Variants in CTNNA3 observed in about 807,000 individuals in gnomAD.
CTNNA3 encodes the protein catenin alpha 3, also known as catenin alpha-3.
CTNNA3 carries 76 observed loss-of-function variants against 95.7 expected under a neutral mutation model. That is an observed-to-expected ratio of 0.79 (90% CI 0.66 to 0.96). CTNNA3 has a LOEUF of 0.96. CTNNA3 is among the 40% of genes least tolerant of loss of function. The pLI, the probability that CTNNA3 is intolerant of heterozygous loss-of-function variation, is 0.00. For missense variants in CTNNA3, 1,191 were observed against 1,089.8 expected (o/e 1.09, Z -1.31); for synonymous variants, 431 against 374.4 (o/e 1.15, Z -1.74).
chr10:66,804,384 G>T (rs564538798), intron 7 of CTNNA3, among the ~76,000 whole-genome samples: 1 of 151,960 alleles, frequency 6.6e-6, no homozygotes, highest in South Asian at 2.1e-4. Flanking sequence ...CTACATCCGC[G>T]CATCTGTATC....
Position 66,272,421 on chromosome 10 carries a change from G to A in CTNNA3, c.1884+8049C>T, listed in dbSNP as rs73317854. Among the ~76,000 whole-genome samples, 1,412 of 152,282 alleles carry A rather than the reference G, an allele frequency of 9.3e-3. 21 individuals are homozygous for A. Among genetic ancestry groups the A allele is most frequent in the African/African-American group, 0.033 (1,364 of 41,566 alleles). ...ATTCTCCACAGTCAACAAAGTATCA[G>A]AAAAGCATGAAGGGGAGAAGCGCAC... is the stretch of plus-strand genomic sequence containing the variant. On this transcript the variant is annotated intron_variant, in intron 13 of 17. Transcript: ENST00000433211.
intron 5 of CTNNA3, among the ~76,000 whole-genome samples, chr10:67,385,625 A>G (rs75084241): frequency 0.011 from 1,670 of 152,264 alleles, 32 homozygotes; most frequent in African/African-American, 0.038. Flanking sequence ...GGAATCATAT[A>G]TAGGAGAATT....
intron 7 of CTNNA3, among the ~76,000 whole-genome samples, chr10:67,162,255 A>T (rs1246709179): frequency 6.6e-6 from 1 of 152,002 alleles, no homozygotes; most frequent in Non-Finnish European, 1.5e-5. Context: ...TTTGTTTTAA[A>T]TTTTTCAACA....
chr10:67,178,947 G>C (rs935094367), intron 7 of CTNNA3, among the ~76,000 whole-genome samples: 1 of 151,950 alleles, frequency 6.6e-6, no homozygotes, highest in African/African-American at 2.4e-5. Context: ...TCTTATTAAA[G>C]AAATCTACCT....
chr10:66,405,630 T>C (rs1404294305), intron 11 of CTNNA3, among the ~76,000 whole-genome samples: 1 of 152,184 alleles, frequency 6.6e-6, no homozygotes, highest in East Asian at 1.9e-4. Context: ...CCTGAACTTT[T>C]CCTCTGGTGG....
intron 11 of CTNNA3, among the ~76,000 whole-genome samples, chr10:66,388,150 T>A (rs899404651): frequency 3.3e-5 from 5 of 152,108 alleles, no homozygotes; most frequent in South Asian, 2.1e-4. Context: ...TTTCTTTTTT[T>A]AAAAACAAAT....
intron 7 of CTNNA3, among the ~76,000 whole-genome samples, chr10:66,901,583 A>G (rs971462965): frequency 6.6e-6 from 1 of 152,212 alleles, no homozygotes; most frequent in Non-Finnish European, 1.5e-5. Context: ...CAGACTGGCA[A>G]ATTGGATAAA....
chr10:66,270,496 G>A (rs1197060913), intron 13 of CTNNA3, among the ~76,000 whole-genome samples: 1 of 152,082 alleles, frequency 6.6e-6, no homozygotes, highest in African/African-American at 2.4e-5. Context: ...ATAAGCCACT[G>A]TACCCAGACA....
At chr10:66,858,591 ATCT>A (rs1843776624) in intron 7 of CTNNA3, among the ~76,000 whole-genome samples, 1 of 151,730 alleles carries the variant, frequency 6.6e-6, no homozygotes, top group Non-Finnish European at 1.5e-5. Context: ...GTCATTATTG[ATCT>A]GTTCAGGGAT....
chr10:66,660,998 G>GTGTGT (rs1846243368), intron 9 of CTNNA3, among the ~76,000 whole-genome samples: 1 of 152,178 alleles, frequency 6.6e-6, no homozygotes, highest in African/African-American at 2.4e-5. Flanking sequence ...TTTTGTTAGA[G>GTGTGT]TTTGGTATAT....
At chr10:67,122,244 A>C (rs756130824) in intron 7 of CTNNA3, among the ~76,000 whole-genome samples, 2 of 152,092 alleles carry the variant, frequency 1.3e-5, no homozygotes, top group Non-Finnish European at 2.9e-5. Context: ...GAAAATGTAC[A>C]TTATTCATTT....
At chr10:66,185,230 C>A (rs2086267668) in intron 13 of CTNNA3, among the ~76,000 whole-genome samples, 1 of 152,072 alleles carries the variant, frequency 6.6e-6, no homozygotes, top group Admixed American at 6.6e-5. Context: ...AGAAAAACAT[C>A]ACTTTTGAAT....
intron 9 of CTNNA3, among the ~76,000 whole-genome samples, chr10:66,761,563 A>G (rs1025317464): frequency 2.6e-5 from 4 of 152,164 alleles, no homozygotes; most frequent in Admixed American, 6.6e-5. Context: ...CTTGCAGAAA[A>G]CAAATATAAT....
chr10:67,745,044 C>T (rs1315098527), intron 1 of CTNNA3, among the ~76,000 whole-genome samples: 1 of 151,980 alleles, frequency 6.6e-6, no homozygotes, highest in Non-Finnish European at 1.5e-5. Flanking sequence ...AATAGGAACA[C>T]TTTTACACTG....
chr10:66,520,850 C>A, intron 10 of CTNNA3, 77 bp from the exon 11 acceptor site: 1 of 903,474 alleles, frequency 1.1e-6, no homozygotes, highest in African/African-American at 1.7e-5. Flanking sequence ...ACTAAAAGCC[C>A]ACACTTCACC....
intron 12 of CTNNA3, among the ~76,000 whole-genome samples, chr10:66,283,031 C>T (rs1489021828): frequency 6.6e-6 from 1 of 151,776 alleles, no homozygotes; most frequent in Non-Finnish European, 1.5e-5. Flanking sequence ...TTTATGCAGG[C>T]TTATAGGAAC....
At chr10:67,104,589 C>T (rs1858523421) in intron 7 of CTNNA3, among the ~76,000 whole-genome samples, 1 of 151,968 alleles carries the variant, frequency 6.6e-6, no homozygotes, top group Non-Finnish European at 1.5e-5. Context: ...AGACTCTCGA[C>T]TCCATTAGTG....
chr10:67,215,539 T>G (rs1864319662), intron 6 of CTNNA3, among the ~76,000 whole-genome samples: 1 of 152,062 alleles, frequency 6.6e-6, no homozygotes, highest in Non-Finnish European at 1.5e-5. Flanking sequence ...TAAACTAGAT[T>G]TTTGGATGGG....
intron 16 of CTNNA3, among the ~76,000 whole-genome samples, chr10:65,986,935 A>G (rs1207936575): frequency 3.3e-5 from 5 of 151,892 alleles, no homozygotes; most frequent in Admixed American, 2.6e-4. Context: ...CTGATTTTGA[A>G]CAAGTGTCAA....
Sources: gnomAD v4.1 joint callset for allele counts (sites outside exome capture counted in the v4.1 genomes callset) on GRCh38, gnomAD v4.1.1 for gene constraint, MANE v1.5 for transcripts, NCBI Gene and HGNC (gene_info 2026-07-23, HGNC 2026-07-21) for gene names.